The following CEP112 variants were observed in gnomAD, a reference collection of about 807,000 sequenced individuals.
The protein encoded by CEP112 is centrosomal protein 112, also known as centrosomal protein of 112 kDa.
A neutral mutation model predicts 153.0 loss-of-function variants in CEP112; 127 were observed. The observed-to-expected ratio is 0.83, with a 90% CI of 0.72 to 0.96. The LOEUF is 0.96. CEP112 is among the 40% of genes least tolerant of loss of function. The probability of loss-of-function intolerance (pLI) is 0.00; values close to 1 mark genes in which losing one functional copy is unlikely to be tolerated. For missense variants in CEP112, 1,089 were observed against 1,101.2 expected, an observed-to-expected ratio of 0.99 and a Z score of 0.16; for synonymous variants, 358 against 374.4, an observed-to-expected ratio of 0.96 and a Z score of 0.51.
At chr17:65,658,362 T>C (rs1394834037) in intron 24 of CEP112, among the ~76,000 whole-genome samples, 1 of 152,212 alleles carries the variant, frequency 6.6e-6, no homozygotes, top group Non-Finnish European at 1.5e-5. Flanking sequence ...ACTCCTAGTC[T>C]GATCTGAGGT....
At chr17:65,641,587 T>C (rs142255644) in intron 24 of CEP112, among the ~76,000 whole-genome samples, 1 of 151,966 alleles carries the variant, frequency 6.6e-6, no homozygotes, top group Admixed American at 6.6e-5. Flanking sequence ...TCTCTAAAAA[T>C]ATATAAAAAT....
chr17:66,063,567 G>A (rs2067004582), intron 10 of CEP112, among the ~76,000 whole-genome samples: 1 of 151,942 alleles, frequency 6.6e-6, no homozygotes, highest in Admixed American at 6.6e-5. Context: ...TTGGGTGATG[G>A]GTACACCAAA....
intron 9 of CEP112, among the ~76,000 whole-genome samples, chr17:66,067,562 A>G (rs946572187): frequency 1.3e-5 from 2 of 152,176 alleles, no homozygotes; most frequent in Non-Finnish European, 2.9e-5. Flanking sequence ...AACCAATCAT[A>G]TAACTTTTCA....
At chr17:65,797,230 A>G (rs1478262954) in intron 21 of CEP112, 1 of 152,288 alleles carries the variant, frequency 6.6e-6, no homozygotes, top group Non-Finnish European at 1.5e-5. Context: ...CTGGAGCAGC[A>G]TAACATCTGG....
intron 23 of CEP112, among the ~76,000 whole-genome samples, chr17:65,732,819 C>T (rs1370126524): frequency 6.6e-6 from 1 of 152,226 alleles, no homozygotes; most frequent in East Asian, 1.9e-4. Flanking sequence ...GGCCTTTGCT[C>T]TGAATCAGAC....
chr17:65,893,454 A>T (rs2059548889), intron 20 of CEP112, among the ~76,000 whole-genome samples: 1 of 152,112 alleles, frequency 6.6e-6, no homozygotes, highest in Admixed American at 6.6e-5. Flanking sequence ...ACCTCCCAAT[A>T]AACAAATATC....
intron 19 of CEP112, among the ~76,000 whole-genome samples, chr17:65,916,429 A>G (rs2060494561): frequency 6.6e-6 from 1 of 152,108 alleles, no homozygotes; most frequent in South Asian, 2.1e-4. Flanking sequence ...TTCAATAAAC[A>G]TGTGTGAAAT....
At chr17:65,970,701 T>G (rs568047469) in intron 17 of CEP112, among the ~76,000 whole-genome samples, 2 of 125,452 alleles carry the variant, frequency 1.6e-5, no homozygotes, top group South Asian at 6.2e-4. Flanking sequence ...GCATATTACA[T>G]GCATACACAT....
intron 24 of CEP112, among the ~76,000 whole-genome samples, chr17:65,645,975 G>A (rs993959783): frequency 5.3e-5 from 8 of 152,104 alleles, no homozygotes; most frequent in African/African-American, 1.9e-4. Flanking sequence ...ATTTGCTCTG[G>A]GGGCCTATGT....
intron 24 of CEP112, among the ~76,000 whole-genome samples, chr17:65,678,656 C>T (rs530116584): frequency 1.3e-5 from 2 of 152,150 alleles, no homozygotes; most frequent in African/African-American, 2.4e-5. Context: ...CGGCCCTCCC[C>T]GTGGTCTTCG....
At chr17:65,805,426 A>C (rs1265850339) in intron 21 of CEP112, among the ~76,000 whole-genome samples, 1 of 152,190 alleles carries the variant, frequency 6.6e-6, no homozygotes, top group African/African-American at 2.4e-5. Context: ...AAGAACTATA[A>C]AAAGGAGAGA....
At chr17:65,731,557 T>C (rs567115385) in intron 23 of CEP112, among the ~76,000 whole-genome samples, 2 of 152,208 alleles carry the variant, frequency 1.3e-5, no homozygotes, top group African/African-American at 4.8e-5. Context: ...TTAAACAAGA[T>C]AAAAATAAAG....
chr17:65,639,684 CA>C (rs11309560), intron 25 of CEP112, among the ~76,000 whole-genome samples: 56,708 of 115,126 alleles, frequency 0.49, 11,190 homozygotes, highest in Middle Eastern at 0.62. Context: ...AACTCTGTCT[CA>C]AAAAAAAAAA....
At chr17:66,135,848 T>C (rs2070409500) in intron 4 of CEP112, among the ~76,000 whole-genome samples, 1 of 151,922 alleles carries the variant, frequency 6.6e-6, no homozygotes, top group Non-Finnish European at 1.5e-5. Flanking sequence ...TATATAGATA[T>C]AGATATAGAT....
At chr17:65,768,945 A>T (rs540814925) in intron 21 of CEP112, among the ~76,000 whole-genome samples, 5 of 152,142 alleles carry the variant, frequency 3.3e-5, no homozygotes, top group Non-Finnish European at 7.4e-5. Context: ...ACCATTAGAC[A>T]GTAAGAAGAA....
At chr17:65,882,296 C>T (rs2059108753) in intron 20 of CEP112, among the ~76,000 whole-genome samples, 1 of 152,172 alleles carries the variant, frequency 6.6e-6, no homozygotes. Flanking sequence ...GCTTCTTTGC[C>T]TTTTGCCCCT....
intron 23 of CEP112, among the ~76,000 whole-genome samples, chr17:65,711,619 A>G (rs1367697406): frequency 6.6e-6 from 1 of 152,232 alleles, no homozygotes; most frequent in African/African-American, 2.4e-5. Context: ...ACTGCTGACC[A>G]AGCTGGCACT....
chr17:65,663,143 T>C (rs1261317129), intron 24 of CEP112, among the ~76,000 whole-genome samples: 1 of 152,206 alleles, frequency 6.6e-6, no homozygotes, highest in Non-Finnish European at 1.5e-5. Context: ...TTCATTTTGA[T>C]GAACTGAATT....
chr17:65,830,504 C>T (rs1200639927), intron 21 of CEP112, among the ~76,000 whole-genome samples: 1 of 152,208 alleles, frequency 6.6e-6, no homozygotes, highest in Non-Finnish European at 1.5e-5. Flanking sequence ...GAATACTGAA[C>T]CAAACTGGGG....
Sources: allele counts gnomAD v4.1 joint callset (sites outside exome capture counted in the v4.1 genomes callset), GRCh38; gene constraint gnomAD v4.1.1; transcripts MANE v1.5; gene names NCBI Gene and HGNC (gene_info 2026-07-23, HGNC 2026-07-21).